MAGI2: variants seen among roughly 807,000 people sequenced by gnomAD.
MAGI2 encodes membrane associated guanylate kinase, WW and PDZ domain containing 2.
Under a neutral mutation model 133.3 loss-of-function variants are expected in MAGI2, and 35 were observed. The ratio of observed to expected loss-of-function variants is 0.26; its 90% CI spans 0.20 to 0.35. The LOEUF is 0.35. Among genes scored for constraint, MAGI2 ranks in the 10% least tolerant of loss-of-function variants. MAGI2 has a pLI of 1.00. For missense variants in MAGI2, 1,636 were observed against 1,863.4 expected, an observed-to-expected ratio of 0.88 and a Z score of 2.25; for synonymous variants, 729 against 710.6, an observed-to-expected ratio of 1.03 and a Z score of -0.41.
intron 1 of MAGI2, among the ~76,000 whole-genome samples, chr7:79,082,813 TAAC>T (rs1816159819): frequency 6.6e-6 from 1 of 151,932 alleles, no homozygotes; most frequent in Non-Finnish European, 1.5e-5. Flanking sequence ...TATTGCCTCT[TAAC>T]AATATAAGTC....
intron 3 of MAGI2, among the ~76,000 whole-genome samples, chr7:78,534,506 G>C (rs1797722401): frequency 6.6e-6 from 1 of 152,162 alleles, no homozygotes; most frequent in African/African-American, 2.4e-5. Flanking sequence ...AATAAATCAA[G>C]TTGCTTGCCA....
intron 9 of MAGI2, among the ~76,000 whole-genome samples, chr7:78,330,615 C>CAAAAAA (rs4024122): frequency 0.037 from 258 of 6,922 alleles, 54 homozygotes; most frequent in Non-Finnish European, 0.046. Context: ...GACTCCGTCT[C>CAAAAAA]AAAAAAAAAA....
At chr7:79,008,331 G>A (rs1807672549) in intron 1 of MAGI2, among the ~76,000 whole-genome samples, 1 of 152,120 alleles carries the variant, frequency 6.6e-6, no homozygotes, top group South Asian at 2.1e-4. Flanking sequence ...GTGCACAGGT[G>A]CAAAACAAAC....
chr7:78,773,562 A>C (rs112038302), intron 2 of MAGI2, among the ~76,000 whole-genome samples: 43 of 152,348 alleles, frequency 2.8e-4, no homozygotes, highest in African/African-American at 9.4e-4. Context: ...TGTTTTTCAG[A>C]AACTCAAAAC....
At chr7:79,260,491 T>C (rs1416715989) in intron 1 of MAGI2, among the ~76,000 whole-genome samples, 1 of 152,200 alleles carries the variant, frequency 6.6e-6, no homozygotes, top group African/African-American at 2.4e-5. Context: ...AATCTGCCTA[T>C]TATCAAAGAA....
At chr7:79,052,689 TTAAA>T (rs562577943) in intron 1 of MAGI2, among the ~76,000 whole-genome samples, 74 of 152,204 alleles carry the variant, frequency 4.9e-4, no homozygotes, top group African/African-American at 1.7e-3. Flanking sequence ...ATAAAAGAAT[TTAAA>T]TAAACCAAAA....
chr7:78,106,061 T>C (rs2151258197), intron 20 of MAGI2, among the ~76,000 whole-genome samples: 1 of 152,244 alleles, frequency 6.6e-6, no homozygotes, highest in South Asian at 2.1e-4. Context: ...TCTGTCTACA[T>C]GAGTTCAATT....
intron 2 of MAGI2, among the ~76,000 whole-genome samples, chr7:78,973,838 C>T (rs934131008): frequency 6.6e-6 from 1 of 151,746 alleles, no homozygotes; most frequent in African/African-American, 2.4e-5. Flanking sequence ...TTACAATAGT[C>T]ACCTTTGGCC....
intron 6 of MAGI2, among the ~76,000 whole-genome samples, chr7:78,467,359 G>A (rs748024535): frequency 6.6e-6 from 1 of 152,062 alleles, no homozygotes; most frequent in Non-Finnish European, 1.5e-5. Flanking sequence ...TGAAAACAGA[G>A]GCAAGGAGAT....
intron 1 of MAGI2, chr7:79,410,486 C>T (rs1450665311): frequency 6.6e-6 from 1 of 152,150 alleles, no homozygotes; most frequent in African/African-American, 2.4e-5. Context: ...CCAAAGAATT[C>T]TCTCTCTTGA....
chr7:78,501,706 T>G lies in MAGI2; in HGVS notation c.836A>C (p.Gln279Pro). The G allele has an allele frequency of 6.2e-7, 1 of 1,614,160 alleles. No individual in the cohort carries two copies. The highest frequency in any genetic ancestry group is 8.5e-7 in the Non-Finnish European group (1 of 1,180,024). ...SQPYPAPVYS[Q>P]PEELKEQMDD... The stretch of plus-strand genomic sequence containing the variant: ...CATCTGCTCCTTCAGCTCCTCAGGC[T>G]GACTGTACACTGGTGCAGGATAAGG... Residue 279 changes from glutamine to proline, a missense_variant, in exon 5 of 22, where the codon CAG (glutamine) becomes CCG (proline). This residue lies in a region of MAGI2 where 165 missense variants were observed against 128.4 expected (regional missense o/e 1.28). Coordinates refer to ENST00000354212, the MANE Select transcript of MAGI2 (RefSeq NM_012301.4).
intron 1 of MAGI2, among the ~76,000 whole-genome samples, chr7:79,398,499 T>C (rs1428317489): frequency 6.6e-6 from 1 of 152,202 alleles, no homozygotes; most frequent in African/African-American, 2.4e-5. Flanking sequence ...TGTGATTTCC[T>C]GGATAAAAAG....
chr7:78,898,379 A>G (rs1446161618), intron 2 of MAGI2, among the ~76,000 whole-genome samples: 1 of 152,192 alleles, frequency 6.6e-6, no homozygotes, highest in Non-Finnish European at 1.5e-5. Flanking sequence ...CACCACTCAC[A>G]TTAGTAAAGA....
chr7:78,146,131 T>C (rs1016031395), intron 16 of MAGI2, among the ~76,000 whole-genome samples: 1 of 152,142 alleles, frequency 6.6e-6, no homozygotes, highest in African/African-American at 2.4e-5. Context: ...ACATAAAAAT[T>C]TCATGGTTGT....
intron 1 of MAGI2, among the ~76,000 whole-genome samples, chr7:79,440,373 C>T (rs1402238778): frequency 6.6e-6 from 1 of 151,878 alleles, no homozygotes; most frequent in African/African-American, 2.4e-5. Flanking sequence ...ATTTTTGTGG[C>T]TGGTTTGCTT....
At chr7:78,262,461 C>T (rs191612550) in intron 9 of MAGI2, among the ~76,000 whole-genome samples, 24 of 152,196 alleles carry the variant, frequency 1.6e-4, no homozygotes, top group Admixed American at 2.6e-4. Context: ...TCTTCCATAC[C>T]ATACACTCTG....
At chr7:79,353,250 AC>A (rs1270942354) in intron 1 of MAGI2, among the ~76,000 whole-genome samples, 1 of 151,550 alleles carries the variant, frequency 6.6e-6, no homozygotes, top group Non-Finnish European at 1.5e-5. Flanking sequence ...GAGCACTTCC[AC>A]CCCCTCCTCT....
At chr7:78,924,266 T>A (rs1030305530) in intron 2 of MAGI2, among the ~76,000 whole-genome samples, 18 of 152,114 alleles carry the variant, frequency 1.2e-4, no homozygotes, top group Non-Finnish European at 8.8e-5. Flanking sequence ...CAACCCTGTG[T>A]TGTGCCAGTT....
At chr7:78,093,053 G>A (rs1393833898) in intron 20 of MAGI2, among the ~76,000 whole-genome samples, 3 of 144,468 alleles carry the variant, frequency 2.1e-5, no homozygotes, top group Non-Finnish European at 4.5e-5. Context: ...GGAGAATGGC[G>A]TGAACCTGGG....
Sources: allele counts gnomAD v4.1 joint callset (sites outside exome capture counted in the v4.1 genomes callset), GRCh38; gene constraint gnomAD v4.1.1; regional missense constraint gnomAD v4.1.1; transcripts MANE v1.5; gene names NCBI Gene and HGNC (gene_info 2026-07-23, HGNC 2026-07-21).